Variants in DOP1B observed in about 807,000 individuals in gnomAD.
DOP1B encodes protein DOP1B.
DOP1B carries 174 observed loss-of-function variants against 233.5 expected under a neutral mutation model. That is an observed-to-expected ratio of 0.75 (90% CI 0.66 to 0.85). The LOEUF (loss-of-function observed/expected upper bound fraction) is 0.85, where lower values mean the gene tolerates loss of function less well. Among genes scored for constraint, DOP1B ranks in the 40% least tolerant of loss-of-function variants. DOP1B has a pLI of 0.00. For synonymous variants in DOP1B, 1,190 were observed against 1,185.6 expected, an observed-to-expected ratio of 1.00 and a Z score of -0.08; for missense variants, 2,652 against 2,846.6, an observed-to-expected ratio of 0.93 and a Z score of 1.56.
rs760453611 is a variant in DOP1B, at chr21:36,270,118, G to T, written c.5593G>T (p.Ala1865Ser). The T allele has an allele frequency of 1.2e-5, 20 of 1,614,152 alleles. No homozygotes were observed. Among genetic ancestry groups the T allele is most frequent in the Non-Finnish European group, 1.2e-5 (14 of 1,180,030 alleles). Residue 1865 changes from alanine (A) to serine (S), a missense_variant, in exon 27 of 37, where the codon GCC (alanine) becomes TCC (serine). By Grantham distance (99) the Ala-to-Ser change is moderately conservative. Around this residue, in one of 3 missense-constraint regions of DOP1B, gnomAD observed 2,617 missense variants for 2,794.3 expected, o/e 0.94. Transcript: ENST00000691173. ...RNLEVKAQPQ[A>S]SLEESDAEED... ...CCTGGAAGTGAAGGCCCAACCTCAG[G>T]CCTCTCTAGAAGAATCTGATGCTGA... is the stretch of plus-strand genomic sequence containing the variant.
intron 1 of DOP1B, among the ~76,000 whole-genome samples, chr21:36,160,477 CTTTTTTTTTT>C (rs5843748): frequency 8.1e-6 from 1 of 122,802 alleles, no homozygotes; most frequent in Admixed American, 8.5e-5. Context: ...TTTAAGTTTT[CTTTTTTTTTT>C]TTTTTTTTGA....
At chr21:36,293,190 A>T (rs1367018802) in intron 36 of DOP1B, 130 bp from the exon 37 acceptor site, 6 of 990,638 alleles carry the variant, frequency 6.1e-6, no homozygotes, top group Non-Finnish European at 8.7e-6. Context: ...TGGGCGACAG[A>T]GCAAGACTCT....
rs60570860 is a variant in DOP1B at position 36,216,868 on chromosome 21, A to C, written c.1129+2312A>C. ...AAGGTGGGCCTCACTTGAGGTGAGG[A>C]GTTTGAGACCAGTCTAGCCAATATG... On this transcript the variant is annotated intron_variant, in intron 9 of 36. Coordinates refer to ENST00000691173, the MANE Select transcript of DOP1B (RefSeq NM_001320714.2). Among the ~76,000 whole-genome samples, 631 of 152,096 alleles carry C rather than the reference A, an allele frequency of 4.1e-3. 3 individuals are homozygous for C. The highest frequency in any genetic ancestry group is 0.014 in the African/African-American group (593 of 41,472).
At position 36,293,637 on chromosome 21, in the gene DOP1B, A is replaced by T; in HGVS notation, c.*66A>T. 1 of 1,518,684 alleles carries T rather than the reference A, an allele frequency of 6.6e-7. No homozygotes were observed. The highest frequency in any genetic ancestry group is 9.0e-7 in the Non-Finnish European group (1 of 1,107,206). The allele number at this position is 1,518,684 out of a possible 1,614,324, so 94.1% of individuals were successfully genotyped here. On this transcript the variant is annotated 3_prime_UTR_variant, in exon 37 of 37. Coordinates refer to ENST00000691173, the MANE Select transcript of DOP1B (RefSeq NM_001320714.2). Reference sequence around the variant, plus strand: ...TTACTGAAAACCAGGTTATATTCTAAAGAAGAAAGAAGGCAGGATAGTGCT... The same window carrying T: ...TTACTGAAAACCAGGTTATATTCTATAGAAGAAAGAAGGCAGGATAGTGCT...
intron 2 of DOP1B, chr21:36,169,580 A>G: frequency 9.5e-7 from 1 of 1,057,110 alleles, no homozygotes. Context: ...CTGCTGCTGT[A>G]GCCCCTCCTG....
chr21:36,248,252 C>T lies in DOP1B; in HGVS notation c.4810-128C>T, dbSNP rs1306347856. On this transcript the variant is annotated intron_variant, in intron 20 of 36. Coordinates refer to ENST00000691173, the MANE Select transcript of DOP1B (RefSeq NM_001320714.2). ...GAGAAGCTTATTGCTCCCAGACCAC[C>T]ACATGTATGAGTTGCTTAGAAGAGA... 1.1e-5 allele frequency: 9 copies of T among 856,168 alleles called. No homozygotes were observed. The South Asian group carries it at 1.5e-4, about 14-fold the overall frequency. The allele number at this position is 856,168 out of a possible 1,614,324, so 53.0% of individuals were successfully genotyped here. A position where few individuals can be genotyped will look rare whatever the true frequency, so the allele number is the denominator to read the frequency against.
intron 26 of DOP1B, among the ~76,000 whole-genome samples, chr21:36,269,304 C>T (rs2067261457): frequency 6.6e-6 from 1 of 151,568 alleles, no homozygotes. Flanking sequence ...TACAGGCATG[C>T]ACCACCACAC....
rs1167673906 is a variant in DOP1B, at chr21:36,292,097, C to T, written c.6516-7C>T. On this transcript the variant is annotated splice_region_variant and splice_polypyrimidine_tract_variant and intron_variant, in intron 35 of 36. Transcript: ENST00000691173. ...AGCAGACCTGACCTTCTGTTTGTTC[C>T]CTGCAGTTATAGGTGGGCATTTATT... is the stretch of plus-strand genomic sequence containing the variant. 2 of 1,588,720 alleles carry T rather than the reference C, an allele frequency of 1.3e-6. No individual in the cohort carries two copies. The highest frequency in any genetic ancestry group is 3.8e-5 in the Admixed American group (2 of 52,092).
At chr21:36,252,790 G>A (rs944744555) in intron 22 of DOP1B, among the ~76,000 whole-genome samples, 12 of 152,158 alleles carry the variant, frequency 7.9e-5, no homozygotes, top group African/African-American at 2.9e-4. Context: ...GATTACAGGC[G>A]TGAGCCCAAA....
chr21:36,171,763 C>G (rs1360969493), intron 2 of DOP1B, among the ~76,000 whole-genome samples: 5 of 152,146 alleles, frequency 3.3e-5, no homozygotes, highest in Non-Finnish European at 5.9e-5. Context: ...TTGAAGCCAC[C>G]TGGTGTGTGG....
intron 21 of DOP1B, 128 bp from the exon 22 acceptor site, chr21:36,251,034 C>T (rs2067026671): frequency 7.6e-7 from 1 of 1,315,914 alleles, no homozygotes; most frequent in Non-Finnish European, 1.0e-6. Context: ...GGAAGCACCT[C>T]AGCACAACAT....
chr21:36,206,885 A>G (rs1601411033), intron 4 of DOP1B, among the ~76,000 whole-genome samples: 3 of 152,256 alleles, frequency 2.0e-5, no homozygotes, highest in Admixed American at 2.0e-4. Flanking sequence ...ATGTCTCTTC[A>G]TTTTTATTTT....
intron 29 of DOP1B, 26 bp from the exon 30 acceptor site, chr21:36,278,183 C>A (rs2067375495): frequency 1.9e-6 from 3 of 1,613,394 alleles, no homozygotes; most frequent in Non-Finnish European, 2.5e-6. Flanking sequence ...TGACCTTGAC[C>A]CTTCTCTCTT....
At chr21:36,181,502 C>T (rs1312263848) in intron 2 of DOP1B, among the ~76,000 whole-genome samples, 1 of 152,088 alleles carries the variant, frequency 6.6e-6, no homozygotes, top group Non-Finnish European at 1.5e-5. Context: ...TGGTCATGAA[C>T]TCCTGACCTC....
chr21:36,209,627 C>G (rs932763011), intron 5 of DOP1B, among the ~76,000 whole-genome samples: 5 of 152,240 alleles, frequency 3.3e-5, no homozygotes, highest in African/African-American at 1.2e-4. Context: ...CCTCTCTTGT[C>G]TCCATTGGCT....
chr21:36,214,603 C>G lies in DOP1B; in HGVS notation c.1129+47C>G, dbSNP rs111985012. ...CTATCCTATGCTGAATACAGATTAC[C>G]TGTTTTCAGGGAAATACAACATGGT... On this transcript the variant is annotated intron_variant, in intron 9 of 36. Transcript: ENST00000691173. The G allele has an allele frequency of 1.2e-4, 175 of 1,508,818 alleles. 1 individual carries two copies. In the African/African-American group the frequency reaches 2.2e-3, roughly 19 times the overall value. The allele number at this position is 1,508,818 out of a possible 1,614,324, so 93.5% of individuals were successfully genotyped here. A position where few individuals can be genotyped will look rare whatever the true frequency, so the allele number is the denominator to read the frequency against.
intron 7 of DOP1B, among the ~76,000 whole-genome samples, chr21:36,213,421 G>C (rs777025418): frequency 1.3e-5 from 2 of 151,920 alleles, no homozygotes; most frequent in Non-Finnish European, 2.9e-5. Flanking sequence ...CTTATCCAGG[G>C]CTCCAGCTGA....
Position 36,293,719 on chromosome 21 carries a change from A to C in DOP1B, c.*148A>C. 4.7e-5 allele frequency: 42 copies of C among 885,624 alleles called. No homozygotes were observed. The highest frequency in any genetic ancestry group is 3.6e-4 in the Middle Eastern group (1 of 2,812). The allele number at this position is 885,624 out of a possible 1,614,324, so 54.9% of individuals were successfully genotyped here. A position where few individuals can be genotyped will look rare whatever the true frequency, so the allele number is the denominator to read the frequency against. On this transcript the variant is annotated 3_prime_UTR_variant, in exon 37 of 37. Transcript: ENST00000691173. ...GATTTCAGGCTAGGTGCGGTGGCTC[A>C]CACCTGTAATCTCAGCACTTTGGGA... is the stretch of plus-strand genomic sequence containing the variant.
chr21:36,234,697 C>T (rs1397616655), intron 15 of DOP1B, among the ~76,000 whole-genome samples: 3 of 152,102 alleles, frequency 2.0e-5, no homozygotes, highest in East Asian at 1.9e-4. Context: ...TGCGCCCTCA[C>T]ACCTGGCTAA....
Sources: gnomAD v4.1 joint callset for allele counts (sites outside exome capture counted in the v4.1 genomes callset) on GRCh38, gnomAD v4.1.1 for gene constraint, gnomAD v4.1.1 regional missense constraint, MANE v1.5 for transcripts, NCBI Gene and HGNC (gene_info 2026-07-23, HGNC 2026-07-21) for gene names.